The following MDGA2 variants were observed in gnomAD, a reference collection of about 807,000 sequenced individuals.
The protein encoded by MDGA2 is MAM domain containing glycosylphosphatidylinositol anchor 2, also known as MAM domain-containing glycosylphosphatidylinositol anchor protein 2.
In MDGA2, 40 loss-of-function variants were observed where a neutral mutation model predicts 117.8. The observed-to-expected ratio is 0.34, with a 90% CI of 0.26 to 0.44. The LOEUF is 0.44. Ranked by LOEUF, MDGA2 falls within the 20% of genes least tolerant of loss-of-function variation. MDGA2 has a pLI of 1.00. For missense variants in MDGA2, 1,123 were observed against 1,250.6 expected, an observed-to-expected ratio of 0.90 and a Z score of 1.54; for synonymous variants, 452 against 439.0, an observed-to-expected ratio of 1.03 and a Z score of -0.37.
intron 1 of MDGA2, among the ~76,000 whole-genome samples, chr14:47,593,280 G>T (rs111373371): frequency 9.6e-4 from 146 of 152,262 alleles, no homozygotes; most frequent in African/African-American, 3.2e-3. Context: ...TACACTGTTG[G>T]TGGGAATGTA....
intron 1 of MDGA2, among the ~76,000 whole-genome samples, chr14:47,345,322 C>T (rs1175474769): frequency 6.6e-6 from 1 of 152,028 alleles, no homozygotes; most frequent in Admixed American, 6.6e-5. Flanking sequence ...ATATACTTCC[C>T]ACACATGCTA....
chr14:46,872,888 G>A (rs1014498706), intron 14 of MDGA2, among the ~76,000 whole-genome samples: 1 of 151,706 alleles, frequency 6.6e-6, no homozygotes, highest in African/African-American at 2.4e-5. Flanking sequence ...CTCTATTACT[G>A]TACAAGGTCT....
At chr14:46,980,967 T>C (rs1239437181) in intron 8 of MDGA2, among the ~76,000 whole-genome samples, 1 of 152,176 alleles carries the variant, frequency 6.6e-6, no homozygotes, top group Non-Finnish European at 1.5e-5. Flanking sequence ...CCCAATATCT[T>C]TGAGGAATAC....
At chr14:47,059,444 T>G (rs1889803407) in intron 7 of MDGA2, 2 of 513,968 alleles carry the variant, frequency 3.9e-6, no homozygotes, top group East Asian at 7.5e-5. Flanking sequence ...AATCTCTTAT[T>G]ACTAATCTTG....
At chr14:47,368,557 C>A (rs1389206825) in intron 1 of MDGA2, among the ~76,000 whole-genome samples, 2 of 152,024 alleles carry the variant, frequency 1.3e-5, no homozygotes, top group Non-Finnish European at 2.9e-5. Context: ...TTTGCGGGGG[C>A]AAGAACATGA....
intron 1 of MDGA2, among the ~76,000 whole-genome samples, chr14:47,619,447 C>T (rs1897010472): frequency 6.6e-6 from 1 of 152,080 alleles, no homozygotes; most frequent in Admixed American, 6.5e-5. Context: ...AATAATTTCA[C>T]AGGTAAGTCA....
intron 1 of MDGA2, among the ~76,000 whole-genome samples, chr14:47,564,440 T>C (rs1362550812): frequency 6.6e-6 from 1 of 152,124 alleles, no homozygotes; most frequent in Non-Finnish European, 1.5e-5. Flanking sequence ...GGTCACGTCT[T>C]TCACAGATGG....
chr14:47,645,223 T>G (rs938895560), intron 1 of MDGA2, among the ~76,000 whole-genome samples: 34 of 151,984 alleles, frequency 2.2e-4, no homozygotes, highest in African/African-American at 8.2e-4. Context: ...GCAGCTACCA[T>G]CTTTACACAA....
At chr14:47,483,502 ACT>A (rs1384277855) in intron 1 of MDGA2, among the ~76,000 whole-genome samples, 3 of 152,024 alleles carry the variant, frequency 2.0e-5, no homozygotes, top group Non-Finnish European at 4.4e-5. Context: ...CAATTTTAAG[ACT>A]CACTCTAATT....
intron 8 of MDGA2, among the ~76,000 whole-genome samples, chr14:47,006,479 A>G (rs1046125419): frequency 1.3e-5 from 2 of 148,868 alleles, no homozygotes; most frequent in African/African-American, 2.4e-5. Context: ...AATATCATTA[A>G]TAACATAAAG....
intron 15 of MDGA2, among the ~76,000 whole-genome samples, chr14:46,852,089 C>G (rs972501914): frequency 4.6e-5 from 7 of 151,562 alleles, no homozygotes; most frequent in Admixed American, 4.0e-4. Flanking sequence ...GAAAGAGCGT[C>G]GATCAAAATG....
chr14:47,395,107 A>C (rs1308604738), intron 1 of MDGA2, among the ~76,000 whole-genome samples: 2 of 152,202 alleles, frequency 1.3e-5, no homozygotes, highest in Non-Finnish European at 2.9e-5. Context: ...GTGAGCTATA[A>C]TTGTGCCACT....
chr14:47,002,336 T>A (rs1180007728), intron 8 of MDGA2, among the ~76,000 whole-genome samples: 2 of 152,130 alleles, frequency 1.3e-5, no homozygotes, highest in African/African-American at 4.8e-5. Flanking sequence ...TCATAATTTC[T>A]TTTTTTAAGT....
intron 1 of MDGA2, among the ~76,000 whole-genome samples, chr14:47,667,499 C>T (rs1897996739): frequency 6.6e-6 from 1 of 152,240 alleles, no homozygotes; most frequent in African/African-American, 2.4e-5. Context: ...AGAAAAATCT[C>T]CCTTAAGATG....
chr14:47,200,473 T>C (rs1885452840), intron 3 of MDGA2: 1 of 487,062 alleles, frequency 2.1e-6, no homozygotes, highest in Admixed American at 3.8e-5. Context: ...TAGTTTTTAA[T>C]TACTCATATA....
At chr14:46,918,775 TTTGGAATCGGAGTC>T (rs1884002698) in intron 10 of MDGA2, among the ~76,000 whole-genome samples, 1 of 151,096 alleles carries the variant, frequency 6.6e-6, no homozygotes, top group Admixed American at 6.6e-5. Flanking sequence ...TTTTTTTTTT[TTTGGAATCGGAGTC>T]TTTTTCTGTT....
At chr14:47,023,599 A>C (rs184889837) in intron 8 of MDGA2, among the ~76,000 whole-genome samples, 13 of 152,306 alleles carry the variant, frequency 8.5e-5, no homozygotes, top group African/African-American at 2.9e-4. Flanking sequence ...ACAATATCCT[A>C]ATTTGAAATG....
At chr14:47,517,309 T>C (rs1250376974) in intron 1 of MDGA2, among the ~76,000 whole-genome samples, 2 of 152,110 alleles carry the variant, frequency 1.3e-5, no homozygotes, top group Non-Finnish European at 2.9e-5. Context: ...GAAGGAAAAT[T>C]ATGATGTTAA....
intron 9 of MDGA2, among the ~76,000 whole-genome samples, chr14:46,950,270 T>C (rs1262220380): frequency 1.3e-5 from 2 of 151,904 alleles, no homozygotes; most frequent in South Asian, 2.1e-4. Context: ...ATTATTCAAA[T>C]ATTCCTTTAT....
Sources: gnomAD v4.1 joint callset for allele counts (sites outside exome capture counted in the v4.1 genomes callset) on GRCh38, gnomAD v4.1.1 for gene constraint, MANE v1.5 for transcripts, NCBI Gene and HGNC (gene_info 2026-07-23, HGNC 2026-07-21) for gene names.